Variants in IL31RA observed in about 807,000 individuals in gnomAD.
IL31RA encodes interleukin-31 receptor subunit alpha.
Under a neutral mutation model 83.7 loss-of-function variants are expected in IL31RA, and 66 were observed. The ratio of observed to expected loss-of-function variants is 0.79; its 90% CI spans 0.65 to 0.97. The LOEUF (loss-of-function observed/expected upper bound fraction) is 0.97. IL31RA is among the 50% of genes least tolerant of loss of function. The pLI is 0.00. For missense variants in IL31RA, 798 were observed against 919.4 expected (o/e 0.87, Z 1.71); for synonymous variants, 325 against 329.0 (o/e 0.99, Z 0.13).
chr5:55,843,165 C>A, the IL31RA span, among the ~76,000 whole-genome samples: 1 of 152,114 alleles, frequency 6.6e-6, no homozygotes, highest in Non-Finnish European at 1.5e-5. Context: ...ATTATCAGTA[C>A]CAAATTAGGT....
upstream of IL31RA, among the ~76,000 whole-genome samples, chr5:55,849,999 G>A (rs1052083536): frequency 1.4e-4 from 21 of 152,156 alleles, no homozygotes; most frequent in African/African-American, 4.1e-4. Flanking sequence ...GATGGGTAGA[G>A]CATCCTAGGT....
chr5:55,908,646 A>C, intron 11 of IL31RA: 7 of 1,538,170 alleles, frequency 4.6e-6, no homozygotes, highest in Non-Finnish European at 5.3e-6. Flanking sequence ...AGGAAATGGA[A>C]GGAGTTGTTA....
intron 5 of IL31RA, among the ~76,000 whole-genome samples, chr5:55,889,361 T>C (rs1747837861): frequency 6.6e-6 from 1 of 152,202 alleles, no homozygotes; most frequent in Admixed American, 6.5e-5. Context: ...AATTAATTTA[T>C]ACATTCAGGC....
At chr5:55,880,484 A>G (rs1372921821) in intron 4 of IL31RA, among the ~76,000 whole-genome samples, 1 of 152,236 alleles carries the variant, frequency 6.6e-6, no homozygotes, top group East Asian at 1.9e-4. Flanking sequence ...AAAAATTTTA[A>G]AAATTAAAAA....
chr5:55,874,026 C>A (rs999107054), intron 4 of IL31RA, among the ~76,000 whole-genome samples: 12 of 152,000 alleles, frequency 7.9e-5, no homozygotes, highest in African/African-American at 2.9e-4. Context: ...TTAGTTCCTA[C>A]ATTTGAATTA....
At chr5:55,886,670 G>C (rs1747636998) in intron 5 of IL31RA, among the ~76,000 whole-genome samples, 1 of 152,158 alleles carries the variant, frequency 6.6e-6, no homozygotes, top group South Asian at 2.1e-4. Flanking sequence ...GATTTCCATT[G>C]TTGATGGAAA....
At chr5:55,855,637 C>T (rs1035115455) in intron 1 of IL31RA, among the ~76,000 whole-genome samples, 3 of 152,064 alleles carry the variant, frequency 2.0e-5, no homozygotes, top group Admixed American at 6.6e-5. Flanking sequence ...TGGGGGATTG[C>T]GTGGGAGTAA....
upstream of IL31RA, among the ~76,000 whole-genome samples, chr5:55,847,285 A>AAATAG (rs1744958642): frequency 6.7e-6 from 1 of 149,046 alleles, no homozygotes; most frequent in Admixed American, 6.7e-5. Context: ...ATAAATAAAT[A>AAATAG]AAAAGAAAAG....
chr5:55,868,834 T>C lies in IL31RA; in HGVS notation c.198T>C (p.Tyr66=), dbSNP rs1213614502. 12 of 1,610,470 alleles carry C rather than the reference T, an allele frequency of 7.5e-6. No individual in the cohort carries two copies. The highest frequency in any genetic ancestry group is 5.5e-5 in the South Asian group (5 of 91,016). The part of the protein sequence containing the change: ...KPENISCVYY[Y]RKNLTCTWSP... ...AGAACATTTCCTGTGTCTACTACTA[T>C]AGGAAAAATTTAACCTGCACTTGGA... Residue 66 remains tyrosine (Y), a synonymous_variant, in exon 3 of 15, where the codon TAT becomes TAC. Transcript: ENST00000652347.
In IL31RA at chr5:55,917,304, A is replaced by G. The variant is rs1749848155; in HGVS notation, c.*184A>G. The G allele has an allele frequency of 2.0e-6, 3 of 1,489,344 alleles. No individual in the cohort carries two copies. Among genetic ancestry groups the G allele is most frequent in the Non-Finnish European group, 2.7e-6 (3 of 1,126,366 alleles). 92.3% of individuals were successfully genotyped at this position (1,489,344 alleles called of 1,614,324 possible). ...AAGATGCGACCTTGTACTGGGAAGAAGGGATGGTGATAAGCCCGAGTTTTG... is the reference window on the plus strand; with the variant it reads ...AAGATGCGACCTTGTACTGGGAAGAGGGGATGGTGATAAGCCCGAGTTTTG... On this transcript the variant is annotated 3_prime_UTR_variant, in exon 15 of 15. Transcript: ENST00000652347.
At position 55,916,856 on chromosome 5, in the gene IL31RA, G is replaced by A. The variant is rs1183114682; in HGVS notation, c.2031G>A (p.Arg677=). The part of the protein sequence containing the change: ...EKNGYVTCPF[R]PDCPLGKSFE... ...ATGGGTATGTGACCTGCCCCTTCAG[G>A]CCTGATTGTCCCCTGGGGAAAAGTT... The change falls in exon 15 of 15, where the codon AGG becomes AGA. Residue 677 remains arginine, a synonymous_variant. Transcript: ENST00000652347. The A allele has an allele frequency of 6.2e-7, 1 of 1,614,150 alleles. No individual in the cohort carries two copies. The highest frequency in any genetic ancestry group is 8.5e-7 in the Non-Finnish European group (1 of 1,180,026).
chr5:55,891,476 C>T (rs1286488373), intron 6 of IL31RA, among the ~76,000 whole-genome samples: 2 of 152,186 alleles, frequency 1.3e-5, no homozygotes, highest in African/African-American at 2.4e-5. Context: ...AGTGGAGAAT[C>T]TGTTTCCTTG....
chr5:55,890,737 A>G (rs1747936333), intron 6 of IL31RA, among the ~76,000 whole-genome samples: 1 of 152,192 alleles, frequency 6.6e-6, no homozygotes, highest in African/African-American at 2.4e-5. Context: ...TGGAGCTACT[A>G]CTCAAAAAAT....
rs141946255 is a variant in IL31RA, at chr5:55,916,968, G to A, written c.2143G>A (p.Ala715Thr). 2.2e-4 allele frequency: 356 copies of A among 1,613,876 alleles called. 1 individual carries two copies. Among genetic ancestry groups the A allele is most frequent in the Non-Finnish European group, 2.8e-4 (328 of 1,179,926 alleles). The change falls in exon 15 of 15, where the codon GCC becomes ACC. Residue 715 changes from alanine (A) to threonine (T), a missense_variant. Transcript: ENST00000652347. ...SRMPEGTRPEAKEQLLFSGQS... is the reference protein window; with the variant it reads ...SRMPEGTRPETKEQLLFSGQS... ...GATGCCAGAGGGGACCCGCCCAGAA[G>A]CCAAAGAGCAGCTTCTCTTTTCTGG...
chr5:55,898,584 A>G (rs1748584118), intron 7 of IL31RA, among the ~76,000 whole-genome samples: 1 of 150,888 alleles, frequency 6.6e-6, no homozygotes, highest in Admixed American at 6.6e-5. Flanking sequence ...AAGATTTTAA[A>G]TAACATATTA....
rs977551756 is a variant in IL31RA at position 55,890,154 on chromosome 5, T to C, written c.772+19T>C. 12 of 1,612,298 alleles carry C rather than the reference T, an allele frequency of 7.4e-6. No individual in the cohort carries two copies. Among genetic ancestry groups the C allele is most frequent in the African/African-American group, 1.3e-5 (1 of 74,886 alleles). On this transcript the variant is annotated intron_variant, in intron 6 of 14. Transcript: ENST00000652347. Reference sequence around the variant, plus strand: ...GAAGAAGGCAAGCTACTCCCTGCGATTCCCGTCCTGTCTGCTCTGGTGTAG... The same window carrying C: ...GAAGAAGGCAAGCTACTCCCTGCGACTCCCGTCCTGTCTGCTCTGGTGTAG...
intron 3 of IL31RA, among the ~76,000 whole-genome samples, chr5:55,871,778 CAGT>C (rs1367556710): frequency 6.8e-6 from 1 of 146,158 alleles, no homozygotes; most frequent in African/African-American, 2.6e-5. Flanking sequence ...TTTTCACCAG[CAGT>C]AGATGCATCT....
the IL31RA span, among the ~76,000 whole-genome samples, chr5:55,840,245 C>T: frequency 2.0e-5 from 3 of 152,124 alleles, no homozygotes; most frequent in African/African-American, 7.2e-5. Flanking sequence ...CTGAAATTGG[C>T]CATAGTGGAA....
intron 4 of IL31RA, among the ~76,000 whole-genome samples, chr5:55,874,080 G>T (rs1040023881): frequency 1.3e-5 from 2 of 151,782 alleles, no homozygotes; most frequent in African/African-American, 4.8e-5. Context: ...GTTAAATAGG[G>T]GTCTAACTTT....
Sources: allele counts gnomAD v4.1 joint callset (sites outside exome capture counted in the v4.1 genomes callset), GRCh38; gene constraint gnomAD v4.1.1; transcripts MANE v1.5; gene names NCBI Gene and HGNC (gene_info 2026-07-23, HGNC 2026-07-21).